Variants in SLC15A5 observed in about 807,000 individuals in gnomAD.
SLC15A5 encodes Peptide/histidine transporter ENSP00000340402.
Under a neutral mutation model 56.1 loss-of-function variants are expected in SLC15A5, and 58 were observed. That is an observed-to-expected ratio of 1.03 (90% CI 0.84 to 1.29). The LOEUF (loss-of-function observed/expected upper bound fraction) is 1.29. Among genes scored for constraint, SLC15A5 ranks in the 50% most tolerant of loss-of-function variants. The pLI is 0.00. For missense variants in SLC15A5, 681 were observed against 672.1 expected (o/e 1.01, Z -0.15); for synonymous variants, 264 against 250.5 (o/e 1.05, Z -0.51).
At position 16,219,537 on chromosome 12, in the gene SLC15A5, C is replaced by T. The variant is rs144829150; in HGVS notation, c.1352-2513G>A. 4.6e-3 allele frequency among the ~76,000 whole-genome samples: 693 copies of T among 152,210 alleles called. 7 individuals carry two copies. Among genetic ancestry groups the T allele is most frequent in the African/African-American group, 0.015 (640 of 41,536 alleles). On this transcript the variant is annotated intron_variant, in intron 6 of 8. Transcript: ENST00000344941. Reference sequence around the variant, plus strand: ...CTGCTAGTTAATTATTAATCCTATGCTTTTCTCCTGCTAGAACTTCTGGTA... The same window carrying T: ...CTGCTAGTTAATTATTAATCCTATGTTTTTCTCCTGCTAGAACTTCTGGTA...
intron 3 of SLC15A5, among the ~76,000 whole-genome samples, chr12:16,256,139 A>G (rs1216137402): frequency 6.6e-6 from 1 of 152,206 alleles, no homozygotes; most frequent in African/African-American, 2.4e-5. Context: ...TTGAAATTCA[A>G]CTCAATAATT....
At chr12:16,198,240 AT>A (rs1228104683) in intron 7 of SLC15A5, among the ~76,000 whole-genome samples, 2 of 152,160 alleles carry the variant, frequency 1.3e-5, no homozygotes, top group Non-Finnish European at 2.9e-5. Context: ...TTTGAAAGTC[AT>A]TTTTTAGAAT....
chr12:16,275,417 AT>A (rs1380624462), intron 1 of SLC15A5, among the ~76,000 whole-genome samples: 1 of 152,004 alleles, frequency 6.6e-6, no homozygotes, highest in Admixed American at 6.6e-5. Context: ...TTTGGATTTC[AT>A]TTTTTAGATA....
At chr12:16,191,739 A>C (rs1159116184) in intron 8 of SLC15A5, among the ~76,000 whole-genome samples, 2 of 152,020 alleles carry the variant, frequency 1.3e-5, no homozygotes, top group Non-Finnish European at 2.9e-5. Context: ...AACTCTTCTG[A>C]CTTGGCCTGT....
At chr12:16,201,113 C>A (rs995434882) in intron 7 of SLC15A5, among the ~76,000 whole-genome samples, 2 of 151,888 alleles carry the variant, frequency 1.3e-5, no homozygotes, top group African/African-American at 4.8e-5. Context: ...AAAGTTGAAC[C>A]AAGAAGAAAT....
At chr12:16,253,281 TG>T (rs1394261236) in intron 3 of SLC15A5, among the ~76,000 whole-genome samples, 1 of 151,708 alleles carries the variant, frequency 6.6e-6, no homozygotes, top group Non-Finnish European at 1.5e-5. Context: ...AATAGACAAA[TG>T]GGATGACATC....
At chr12:16,190,848 G>A (rs1863832700) in intron 8 of SLC15A5, among the ~76,000 whole-genome samples, 1 of 152,022 alleles carries the variant, frequency 6.6e-6, no homozygotes, top group Non-Finnish European at 1.5e-5. Flanking sequence ...AGACACAAAA[G>A]ATTACTAGAA....
chr12:16,226,972 A>G (rs1053634629), intron 5 of SLC15A5, among the ~76,000 whole-genome samples: 39 of 152,294 alleles, frequency 2.6e-4, no homozygotes, highest in African/African-American at 9.4e-4. Flanking sequence ...AAATCAATCT[A>G]ATGTTTAAAT....
At position 16,267,485 on chromosome 12, in the gene SLC15A5, AT is replaced by A. The variant is rs1290313863; in HGVS notation, c.584+5075del. On this transcript the variant is annotated intron_variant, in intron 2 of 8. Coordinates refer to ENST00000344941, the MANE Select transcript of SLC15A5 (RefSeq NM_001170798.1). ...AGTTCCTTTTTATCTGTAAATACAT[AT>A]TTTTTTTTCCAGCAGAGCTGTTAAA... Among the ~76,000 whole-genome samples the A allele has an allele frequency of 1.3e-4, 15 of 114,134 alleles. 3 individuals carry two copies. Among genetic ancestry groups the A allele is most frequent in the South Asian group, 7.7e-4 (2 of 2,586 alleles). 74.9% of individuals were successfully genotyped at this position (114,134 alleles called of 152,430 possible).
rs191178330 is a variant in SLC15A5, at chr12:16,238,215, G to A, written c.1162+1466C>T. On this transcript the variant is annotated intron_variant, in intron 5 of 8. Coordinates refer to ENST00000344941, the MANE Select transcript of SLC15A5 (RefSeq NM_001170798.1). Reference sequence around the variant, plus strand: ...AACCCACTCCATGATGTGATCTTGAGTGATCTGGTAGATAAAGAACAGGAA... The same window carrying A: ...AACCCACTCCATGATGTGATCTTGAATGATCTGGTAGATAAAGAACAGGAA... Among the ~76,000 whole-genome samples, 217 of 152,254 alleles carry A rather than the reference G, an allele frequency of 1.4e-3. 6 individuals are homozygous for A. In the East Asian group the frequency reaches 0.027, roughly 19 times the overall value.
Position 16,235,245 on chromosome 12 carries a change from A to AGTATATATGTGTATATATATGTATAT in SLC15A5, c.1162+4410_1162+4435dup, listed in dbSNP as rs1565666129. Among the ~76,000 whole-genome samples, 2 of 137,970 alleles carry AGTATATATGTGTATATATATGTATAT rather than the reference A, an allele frequency of 1.4e-5. No homozygotes were observed. Among genetic ancestry groups the AGTATATATGTGTATATATATGTATAT allele is most frequent in the African/African-American group, 2.7e-5 (1 of 37,636 alleles). The allele number at this position is 137,970 out of a possible 152,430, so 90.5% of individuals were successfully genotyped here. A position where few individuals can be genotyped will look rare whatever the true frequency, so the allele number is the denominator to read the frequency against. On this transcript the variant is annotated intron_variant, in intron 5 of 8. Transcript: ENST00000344941. This position sits in a 1 kb window ranked among gnomAD's most constrained non-coding sequence, Gnocchi z 4.1. Reference sequence around the variant, plus strand: ...TATATACAAAACACGACATGTTATAAGTATATATGTGTATATATATGTATA... The same window carrying AGTATATATGTGTATATATATGTATAT: ...TATATACAAAACACGACATGTTATAAGTATATATGTGTATATATATGTATATGTATATATGTGTATATATATGTATA...
At position 16,244,568 on chromosome 12, in the gene SLC15A5, G is replaced by T. The variant is rs988409298; in HGVS notation, c.975+12C>A. On this transcript the variant is annotated intron_variant, in intron 4 of 8. Coordinates refer to ENST00000344941, the MANE Select transcript of SLC15A5 (RefSeq NM_001170798.1). ...TCCTGTTGTTGGGGTAGTACTCATC[G>T]CCTGTCCTTACCTGCATAATGCACA... 6.5e-7 allele frequency: 1 copy of T among 1,534,718 alleles called. No individual in the cohort carries two copies. The highest frequency in any genetic ancestry group is 8.7e-7 in the Non-Finnish European group (1 of 1,144,810).
At chr12:16,250,714 A>T (rs1864511370) in intron 3 of SLC15A5, among the ~76,000 whole-genome samples, 1 of 152,004 alleles carries the variant, frequency 6.6e-6, no homozygotes, top group Non-Finnish European at 1.5e-5. Context: ...TTCTTAAAAG[A>T]TATTCTAACA....
rs1192679003 is a variant in SLC15A5 at position 16,196,989 on chromosome 12, G to C, written c.1484-2536C>G. On this transcript the variant is annotated intron_variant, in intron 7 of 8. Transcript: ENST00000344941. This position sits in a 1 kb window ranked among gnomAD's most constrained non-coding sequence, Gnocchi z 4.0. ...ATGACTTGGTATTTGGGAGTTTGTGGGTGACAGGAGAGAAGGACATTTGTA... is the reference window on the plus strand; with the variant it reads ...ATGACTTGGTATTTGGGAGTTTGTGCGTGACAGGAGAGAAGGACATTTGTA... 6.6e-6 allele frequency among the ~76,000 whole-genome samples: 1 copy of C among 151,804 alleles called. No homozygotes were observed. Among genetic ancestry groups the C allele is most frequent in the African/African-American group, 2.4e-5 (1 of 41,314 alleles).
At chr12:16,207,712 G>A in intron 7 of SLC15A5, among the ~76,000 whole-genome samples, 1 of 151,570 alleles carries the variant, frequency 6.6e-6, no homozygotes, top group South Asian at 2.1e-4. Flanking sequence ...GGAGTGCAGT[G>A]GTGCAATCTT....
chr12:16,194,294 C>G, intron 8 of SLC15A5, 51 bp downstream of exon 8: 1 of 1,207,686 alleles, frequency 8.3e-7, no homozygotes, highest in Non-Finnish European at 1.2e-6. Context: ...GGTTCCCAGA[C>G]CAATATTTCA....
At chr12:16,275,844 T>C (rs992729536) in intron 1 of SLC15A5, among the ~76,000 whole-genome samples, 1 of 151,982 alleles carries the variant, frequency 6.6e-6, no homozygotes, top group Admixed American at 6.6e-5. Context: ...GTGTGGCCTG[T>C]TACCAAGGTA....
At chr12:16,247,755 G>A (rs1384135861) in intron 3 of SLC15A5, among the ~76,000 whole-genome samples, 2 of 152,064 alleles carry the variant, frequency 1.3e-5, no homozygotes, top group Admixed American at 1.3e-4. Flanking sequence ...GGTCTAGGAG[G>A]TTGTCAGGGG....
At chr12:16,249,609 A>T (rs1326251455) in intron 3 of SLC15A5, among the ~76,000 whole-genome samples, 2 of 152,100 alleles carry the variant, frequency 1.3e-5, no homozygotes, top group African/African-American at 2.4e-5. Flanking sequence ...AATGTGTAAT[A>T]TATGGACTGC....
Sources: gnomAD v4.1 joint callset for allele counts (sites outside exome capture counted in the v4.1 genomes callset) on GRCh38, gnomAD v4.1.1 for gene constraint, Gnocchi (gnomAD v3.1) non-coding constraint, MANE v1.5 for transcripts, NCBI Gene and HGNC (gene_info 2026-07-23, HGNC 2026-07-21) for gene names.